The following SPATA16 variants were observed in gnomAD, a reference collection of about 807,000 sequenced individuals.
SPATA16 encodes the protein spermatogenesis-associated protein 16.
A neutral mutation model predicts 63.3 loss-of-function variants in SPATA16; 36 were observed. The ratio of observed to expected loss-of-function variants is 0.57; its 90% confidence interval spans 0.44 to 0.75. The LOEUF (loss-of-function observed/expected upper bound fraction) is 0.75. Ranked by LOEUF, SPATA16 falls within the 30% of genes least tolerant of loss-of-function variation. The pLI is 0.00. For missense variants in SPATA16, 646 were observed against 679.3 expected (o/e 0.95, Z 0.54); for synonymous variants, 203 against 216.7 (o/e 0.94, Z 0.56).
At chr3:173,100,065 A>G (rs990309190) in intron 2 of SPATA16, among the ~76,000 whole-genome samples, 2 of 152,156 alleles carry the variant, frequency 1.3e-5, no homozygotes, top group African/African-American at 4.8e-5. Flanking sequence ...GACCTGTTTT[A>G]GAATGCACTC....
chr3:173,002,068 G>A (rs1365664400), intron 4 of SPATA16, among the ~76,000 whole-genome samples: 2 of 152,012 alleles, frequency 1.3e-5, no homozygotes, highest in Non-Finnish European at 2.9e-5. Flanking sequence ...ATATCAGTAT[G>A]GATGCATAGA....
intron 1 of SPATA16, among the ~76,000 whole-genome samples, chr3:173,140,534 T>C (rs10460880): frequency 0.059 from 8,972 of 152,240 alleles, 285 homozygotes; most frequent in East Asian, 0.086. Context: ...GATACAGAAA[T>C]GATGACATGG....
chr3:173,035,731 T>G (rs1223252305), intron 3 of SPATA16, among the ~76,000 whole-genome samples: 1 of 152,096 alleles, frequency 6.6e-6, no homozygotes, highest in Non-Finnish European at 1.5e-5. Flanking sequence ...ACGTGCAGCC[T>G]GCAAATTTTC....
intron 1 of SPATA16, among the ~76,000 whole-genome samples, chr3:173,118,009 A>G (rs1319063610): frequency 6.6e-6 from 1 of 152,248 alleles, no homozygotes; most frequent in East Asian, 1.9e-4. Context: ...GCTGAACAAC[A>G]TCGAATGAAT....
intron 6 of SPATA16, among the ~76,000 whole-genome samples, chr3:172,949,230 G>A (rs969473369): frequency 1.4e-5 from 2 of 142,084 alleles, no homozygotes; most frequent in Non-Finnish European, 2.9e-5. Flanking sequence ...ACTACTAAAA[G>A]CAATAAATAA....
chr3:173,051,876 A>G lies in SPATA16; in HGVS notation c.613-2782T>C, dbSNP rs563868449. Among the ~76,000 whole-genome samples the G allele has an allele frequency of 8.6e-5, 13 of 151,770 alleles. No homozygotes were observed. The East Asian group carries it at 2.1e-3, about 25-fold the overall frequency. On this transcript the variant is annotated intron_variant, in intron 2 of 10. Transcript: ENST00000351008. ...GCTCAGGCTGGAGTGTAATGGCAGCATCTCGACTCACTGCAGCCTCCACCT... is the reference window on the plus strand; with the variant it reads ...GCTCAGGCTGGAGTGTAATGGCAGCGTCTCGACTCACTGCAGCCTCCACCT...
intron 4 of SPATA16, among the ~76,000 whole-genome samples, chr3:172,991,797 GA>G (rs1734583734): frequency 6.6e-6 from 1 of 152,098 alleles, no homozygotes; most frequent in African/African-American, 2.4e-5. Flanking sequence ...CAAGGCTGAA[GA>G]AAAAAACAAC....
intron 9 of SPATA16, 108 bp from the exon 10 acceptor site, chr3:172,913,852 T>A (rs1732424201): frequency 1.0e-6 from 1 of 952,462 alleles, no homozygotes; most frequent in Non-Finnish European, 1.6e-6. Context: ...CTGATGATTT[T>A]ATTACTCATC....
intron 5 of SPATA16, among the ~76,000 whole-genome samples, chr3:172,971,800 G>A (rs1001329150): frequency 6.6e-6 from 1 of 152,112 alleles, no homozygotes; most frequent in Non-Finnish European, 1.5e-5. Context: ...TAACATTGTG[G>A]GTGCTATTTT....
At chr3:173,101,892 G>A (rs1737506036) in intron 2 of SPATA16, among the ~76,000 whole-genome samples, 1 of 151,948 alleles carries the variant, frequency 6.6e-6, no homozygotes, top group Admixed American at 6.6e-5. Context: ...GCTTTCTTCT[G>A]TCCTCTCCTA....
chr3:173,128,582 G>T (rs1738289221), intron 1 of SPATA16, among the ~76,000 whole-genome samples: 1 of 152,078 alleles, frequency 6.6e-6, no homozygotes, highest in South Asian at 2.1e-4. Flanking sequence ...AAACACCAGA[G>T]GTTCACATCA....
intron 6 of SPATA16, among the ~76,000 whole-genome samples, chr3:172,939,197 C>T (rs956413571): frequency 9.2e-5 from 14 of 152,274 alleles, no homozygotes; most frequent in Admixed American, 7.2e-4. Context: ...GCCTGCAATA[C>T]GTCGGGGAGT....
intron 5 of SPATA16, among the ~76,000 whole-genome samples, chr3:172,959,142 T>C (rs1039851878): frequency 2.0e-5 from 3 of 152,198 alleles, no homozygotes; most frequent in Non-Finnish European, 4.4e-5. Flanking sequence ...ATTAGTGATA[T>C]CCTAGTCAGG....
At chr3:172,916,509 A>G (rs1398233944) in intron 8 of SPATA16, 28 bp from the exon 9 acceptor site, 2 of 1,613,172 alleles carry the variant, frequency 1.2e-6, no homozygotes, top group Admixed American at 1.7e-5. Context: ...GAAATGTTTT[A>G]GAACAAAACC....
At chr3:173,076,551 A>G (rs1736808214) in intron 2 of SPATA16, among the ~76,000 whole-genome samples, 1 of 152,092 alleles carries the variant, frequency 6.6e-6, no homozygotes, top group Non-Finnish European at 1.5e-5. Flanking sequence ...AATATCTTTC[A>G]CACCTAAAAT....
intron 4 of SPATA16, among the ~76,000 whole-genome samples, chr3:172,981,074 A>C (rs1734301129): frequency 1.3e-5 from 2 of 152,334 alleles, no homozygotes; most frequent in South Asian, 4.1e-4. Context: ...GGCGCAAGTC[A>C]TACAATAGCT....
At chr3:173,084,833 T>A (rs1045698390) in intron 2 of SPATA16, among the ~76,000 whole-genome samples, 1 of 152,184 alleles carries the variant, frequency 6.6e-6, no homozygotes, top group African/African-American at 2.4e-5. Context: ...GTTGTACATA[T>A]GTGATCTTAT....
chr3:173,116,062 T>C lies in SPATA16; in HGVS notation c.612+1058A>G, dbSNP rs373007299. On this transcript the variant is annotated intron_variant, in intron 2 of 10. Coordinates refer to ENST00000351008, the MANE Select transcript of SPATA16 (RefSeq NM_031955.6). ...ATGTGTGCCACTATGCCTAGCTAAT[T>C]TTTACATTTTGTAGAGATAGGGTCT... 1.4e-4 allele frequency among the ~76,000 whole-genome samples: 22 copies of C among 152,202 alleles called. No individual in the cohort carries two copies. In the East Asian group the frequency reaches 2.3e-3, roughly 16 times the overall value.
At chr3:173,017,833 T>C (rs974763712) in intron 4 of SPATA16, among the ~76,000 whole-genome samples, 8 of 152,242 alleles carry the variant, frequency 5.3e-5, no homozygotes, top group African/African-American at 1.9e-4. Context: ...ATGCTGAACT[T>C]ACTAGCTTCA....
Sources: gnomAD v4.1 joint callset for allele counts (sites outside exome capture counted in the v4.1 genomes callset) on GRCh38, gnomAD v4.1.1 for gene constraint, MANE v1.5 for transcripts, NCBI Gene and HGNC (gene_info 2026-07-23, HGNC 2026-07-21) for gene names.